Variants in TAFA1 observed in about 807,000 individuals in gnomAD.
TAFA1 encodes the protein TAFA chemokine like family member 1, also known as chemokine-like protein TAFA-1.
In TAFA1, 4 loss-of-function variants were observed where a neutral mutation model predicts 18.5. The ratio of observed to expected loss-of-function variants is 0.22; its 90% confidence interval spans 0.11 to 0.49. The LOEUF is 0.49. Among genes scored for constraint, TAFA1 ranks in the 20% least tolerant of loss-of-function variants. TAFA1 has a pLI of 0.98. For missense variants in TAFA1, 147 were observed against 169.0 expected, an observed-to-expected ratio of 0.87 and a Z score of 0.72; for synonymous variants, 56 against 55.2, an observed-to-expected ratio of 1.01 and a Z score of -0.06.
At chr3:68,244,190 A>T (rs2067037000) in intron 2 of TAFA1, among the ~76,000 whole-genome samples, 1 of 152,178 alleles carries the variant, frequency 6.6e-6, no homozygotes, top group African/African-American at 2.4e-5. Flanking sequence ...ATTTGCAAAT[A>T]TCTTCTTCCA....
At chr3:68,089,559 A>G (rs1240909448) in intron 2 of TAFA1, among the ~76,000 whole-genome samples, 1 of 152,160 alleles carries the variant, frequency 6.6e-6, no homozygotes. Context: ...ATTTATTTAT[A>G]TTAGTAGTTG....
chr3:68,429,795 C>T (rs1466117375), intron 3 of TAFA1, among the ~76,000 whole-genome samples: 1 of 151,870 alleles, frequency 6.6e-6, no homozygotes, highest in Non-Finnish European at 1.5e-5. Context: ...CAACTTAGAT[C>T]ATCAATTCCA....
chr3:68,499,446 C>CTTTTTTTTT (rs752597708), intron 3 of TAFA1, among the ~76,000 whole-genome samples: 7 of 112,168 alleles, frequency 6.2e-5, no homozygotes, highest in East Asian at 2.5e-4. Context: ...GTGTTCCTTT[C>CTTTTTTTTT]TTTTTTTTTT....
chr3:68,411,730 C>G (rs2070722560), intron 2 of TAFA1, among the ~76,000 whole-genome samples: 1 of 152,002 alleles, frequency 6.6e-6, no homozygotes, highest in African/African-American at 2.4e-5. Context: ...CCATAAAGTC[C>G]CACAAAATGT....
chr3:68,498,746 T>C (rs990064506), intron 3 of TAFA1, among the ~76,000 whole-genome samples: 5 of 90,774 alleles, frequency 5.5e-5, no homozygotes, highest in Non-Finnish European at 9.3e-5. Context: ...TTTTTTTTTT[T>C]TTTTTTTTTT....
At chr3:68,055,846 A>G (rs561657427) in intron 2 of TAFA1, among the ~76,000 whole-genome samples, 1 of 152,088 alleles carries the variant, frequency 6.6e-6, no homozygotes, top group Admixed American at 6.6e-5. Flanking sequence ...AACACTCTAG[A>G]CAGTTCTCTC....
At chr3:68,135,645 T>G (rs2065598412) in intron 2 of TAFA1, among the ~76,000 whole-genome samples, 1 of 152,218 alleles carries the variant, frequency 6.6e-6, no homozygotes, top group Non-Finnish European at 1.5e-5. Flanking sequence ...ATACAATAGA[T>G]GCTTAAGAAA....
intron 3 of TAFA1, among the ~76,000 whole-genome samples, chr3:68,464,918 G>A (rs1160019618): frequency 6.6e-6 from 1 of 152,090 alleles, no homozygotes; most frequent in Non-Finnish European, 1.5e-5. Context: ...GGCAGATACT[G>A]TTTCCCCCTT....
At chr3:68,112,094 G>GA (rs33967304) in intron 2 of TAFA1, among the ~76,000 whole-genome samples, 134,789 of 150,802 alleles carry the variant, frequency 0.89, 60,495 homozygotes, top group South Asian at 0.95. Flanking sequence ...AGCACTGGAT[G>GA]AAAAAAAAAT....
At chr3:68,470,060 A>G (rs918907184) in intron 3 of TAFA1, among the ~76,000 whole-genome samples, 1 of 152,154 alleles carries the variant, frequency 6.6e-6, no homozygotes, top group African/African-American at 2.4e-5. Flanking sequence ...GGTGAAGATA[A>G]TTGAATCATG....
Position 68,121,908 on chromosome 3 carries a change from G to C in TAFA1, c.118+115164G>C, listed in dbSNP as rs1475537216. 2.0e-5 allele frequency among the ~76,000 whole-genome samples: 3 copies of C among 149,930 alleles called. No individual in the cohort carries two copies. In the East Asian group the frequency reaches 5.8e-4, roughly 29 times the overall value. ...CTGGGAGGAGGGAAGATTAATTGCA[G>C]GATGTTTATAACTATATTGAGGTAT... On this transcript the variant is annotated intron_variant, in intron 2 of 4. Coordinates refer to ENST00000478136, the MANE Select transcript of TAFA1 (RefSeq NM_213609.4).
intron 3 of TAFA1, among the ~76,000 whole-genome samples, chr3:68,420,968 T>G (rs1664311224): frequency 6.6e-6 from 1 of 152,154 alleles, no homozygotes; most frequent in South Asian, 2.1e-4. Context: ...CCATGATGGT[T>G]TCTCATGTTC....
intron 3 of TAFA1, among the ~76,000 whole-genome samples, chr3:68,436,320 G>C (rs982776408): frequency 2.0e-5 from 3 of 151,952 alleles, no homozygotes; most frequent in Non-Finnish European, 4.4e-5. Flanking sequence ...TATGATCTAC[G>C]CAAGCTTTGA....
intron 2 of TAFA1, among the ~76,000 whole-genome samples, chr3:68,111,676 A>G (rs2065263380): frequency 6.6e-6 from 1 of 152,108 alleles, no homozygotes; most frequent in South Asian, 2.1e-4. Context: ...AGCTAAGAAA[A>G]TATGTTTTAA....
intron 2 of TAFA1, among the ~76,000 whole-genome samples, chr3:68,380,709 T>C (rs1222959340): frequency 3.3e-5 from 5 of 152,108 alleles, no homozygotes; most frequent in East Asian, 1.9e-4. Context: ...TTTTCTCCCA[T>C]TTTGTAGGTT....
chr3:68,298,567 C>A (rs938432699), intron 2 of TAFA1, among the ~76,000 whole-genome samples: 4 of 152,194 alleles, frequency 2.6e-5, no homozygotes, highest in Non-Finnish European at 4.4e-5. Flanking sequence ...ATAATCCTCA[C>A]AATCCCCATG....
intron 2 of TAFA1, among the ~76,000 whole-genome samples, chr3:68,354,470 G>A (rs1025723929): frequency 3.3e-5 from 5 of 152,000 alleles, no homozygotes; most frequent in African/African-American, 1.2e-4. Flanking sequence ...CCCAGACAAT[G>A]AGACCAACTG....
chr3:68,259,751 T>G (rs2067373254), intron 2 of TAFA1, among the ~76,000 whole-genome samples: 1 of 151,802 alleles, frequency 6.6e-6, no homozygotes, highest in African/African-American at 2.4e-5. Context: ...CTGTTATTGG[T>G]GTATAAGAAT....
intron 2 of TAFA1, among the ~76,000 whole-genome samples, chr3:68,046,187 C>T (rs1705264123): frequency 6.6e-6 from 1 of 152,080 alleles, no homozygotes; most frequent in Non-Finnish European, 1.5e-5. Flanking sequence ...GGATTTGAAA[C>T]AAATCCATAT....
Sources: allele counts gnomAD v4.1 joint callset (sites outside exome capture counted in the v4.1 genomes callset), GRCh38; gene constraint gnomAD v4.1.1; transcripts MANE v1.5; gene names NCBI Gene and HGNC (gene_info 2026-07-23, HGNC 2026-07-21).